Variants in MYBPC3 observed in about 807,000 individuals in gnomAD.
MYBPC3 encodes myosin-binding protein C, cardiac-type.
MYBPC3 carries 108 observed loss-of-function variants against 159.3 expected under a neutral mutation model. The ratio of observed to expected loss-of-function variants is 0.68; its 90% CI spans 0.58 to 0.80. The LOEUF is 0.80. Among genes scored for constraint, MYBPC3 ranks in the 30% least tolerant of loss-of-function variants. MYBPC3 has a pLI of 0.00. For missense variants in MYBPC3, 1,631 were observed against 1,762.1 expected (o/e 0.93, Z 1.33); for synonymous variants, 730 against 702.0 (o/e 1.04, Z -0.63).
chr11:47,347,678 C>G lies in MYBPC3; in HGVS notation c.824G>C (p.Ser275Thr). ...LDLLSAFRRT[S>T]LAGGGRRISD... ...GATCCGCCGACCACCTCCAGCCAGGCTCCTGTGGGGGTTAGACTCAGTATC... is the reference window on the plus strand; with the variant it reads ...GATCCGCCGACCACCTCCAGCCAGGGTCCTGTGGGGGTTAGACTCAGTATC... Residue 275 changes from serine (S) to threonine (T), a missense_variant and splice_region_variant, in exon 8 of 35, where the codon AGC (serine) becomes ACC (threonine). Physicochemically the swap from Ser to Thr is moderately conservative, Grantham distance 58 (BLOSUM62 1). Coordinates refer to ENST00000545968, the MANE Select transcript of MYBPC3 (RefSeq NM_000256.3). The G allele has an allele frequency of 6.4e-7, 1 of 1,573,058 alleles. No homozygotes were observed. Among genetic ancestry groups the G allele is most frequent in the South Asian group, 1.2e-5 (1 of 85,682 alleles).
intron 4 of MYBPC3, 40 bp downstream of exon 4, chr11:47,349,974 C>G (rs777895104): frequency 5.8e-6 from 9 of 1,562,796 alleles, no homozygotes; most frequent in Admixed American, 3.8e-5. Flanking sequence ...TGCTGCCCCC[C>G]CTTCCCACCC....
In MYBPC3 at chr11:47,350,603, G is replaced by C; in HGVS notation, c.305C>G (p.Pro102Arg). The C allele has an allele frequency of 6.7e-7, 1 of 1,501,708 alleles. No individual in the cohort carries two copies. The highest frequency in any genetic ancestry group is 8.8e-7 in the Non-Finnish European group (1 of 1,134,696). The allele number at this position is 1,501,708 out of a possible 1,614,324, so 93.0% of individuals were successfully genotyped here. A position where few individuals can be genotyped will look rare whatever the true frequency, so the allele number is the denominator to read the frequency against. Reference sequence around the variant, plus strand: ...AGGGGCAGGGGCAGGGGCCAGCATGGGCTCTGCCTTCTCTGGAGGGGATCA... The same window carrying C: ...AGGGGCAGGGGCAGGGGCCAGCATGCGCTCTGCCTTCTCTGGAGGGGATCA... ...LKVIEAEKAEPMLAPAPAPAE... is the reference protein window; with the variant it reads ...LKVIEAEKAERMLAPAPAPAE... Residue 102 changes from proline (P) to arginine (R), a missense_variant, in exon 3 of 35, where the codon CCC becomes CGC. Coordinates refer to ENST00000545968, the MANE Select transcript of MYBPC3 (RefSeq NM_000256.3).
At chr11:47,331,938 C>T (rs1005624640) in intron 33 of MYBPC3, 57 bp from the exon 34 acceptor site, 7 of 1,601,848 alleles carry the variant, frequency 4.4e-6, no homozygotes, top group African/African-American at 2.7e-5. Flanking sequence ...AGCTATTGCC[C>T]ATCTGGGCGT....
At chr11:47,340,728 A>T (rs2596406) in intron 20 of MYBPC3, among the ~76,000 whole-genome samples, 2 of 152,240 alleles carry the variant, frequency 1.3e-5, no homozygotes, top group Non-Finnish European at 2.9e-5. Flanking sequence ...ACAGTCACAC[A>T]TGTGACAGCA....
At chr11:47,347,185 C>A (rs1200686016) in intron 9 of MYBPC3, 156 bp from the exon 10 acceptor site, 1 of 984,684 alleles carries the variant, frequency 1.0e-6, no homozygotes, top group Non-Finnish European at 1.2e-6. Context: ...ACGGAGGGAG[C>A]TTTTGCAGCC....
In MYBPC3 at chr11:47,343,163, G is replaced by T. The variant is rs761365956; in HGVS notation, c.1227-18C>A. 38 of 1,606,308 alleles carry T rather than the reference G, an allele frequency of 2.4e-5. No individual in the cohort carries two copies. Among genetic ancestry groups the T allele is most frequent in the Non-Finnish European group, 3.1e-5 (36 of 1,176,310 alleles). ...AGATGTACCTGGGTGGGGGCCGCAG[G>T]GAAGTGGCAGGAAAGCTGCGGACAC... On this transcript the variant is annotated intron_variant, in intron 14 of 34. Coordinates refer to ENST00000545968, the MANE Select transcript of MYBPC3 (RefSeq NM_000256.3).
intron 9 of MYBPC3, 145 bp downstream of exon 9, chr11:47,347,281 A>G (rs2095895265): frequency 6.6e-7 from 1 of 1,512,990 alleles, no homozygotes; most frequent in Admixed American, 2.1e-5. Flanking sequence ...CTCCTTCCAC[A>G]CTGGGATCAT....
chr11:47,337,615 C>A lies in MYBPC3; in HGVS notation c.2414-36G>T, dbSNP rs371970979. On this transcript the variant is annotated intron_variant, in intron 24 of 34. Coordinates refer to ENST00000545968, the MANE Select transcript of MYBPC3 (RefSeq NM_000256.3). ...GGAGGTGGCAGCTCTGGTCTGGAAC[C>A]CAGGCATCCCCACACCACCTTCCCT... 4 of 1,613,026 alleles carry A rather than the reference C, an allele frequency of 2.5e-6. No homozygotes were observed. The highest frequency in any genetic ancestry group is 3.4e-6 in the Non-Finnish European group (4 of 1,179,420).
rs1565625856 is a variant in MYBPC3 at position 47,338,613 on chromosome 11, C to T, written c.2215G>A (p.Glu739Lys). The T allele has an allele frequency of 3.1e-6, 5 of 1,613,968 alleles. No individual in the cohort carries two copies. The highest frequency in any genetic ancestry group is 2.2e-5 in the South Asian group (2 of 91,074). ...CCCTCATCTTCCTTCTCTGCCCCCT[C>T]GACCGTGAAGATGCTGCGGTCCTTG... ...TTKDRSIFTV[E>K]GAEKEDEGVY... The change falls in exon 23 of 35, where the codon GAG (glutamate) becomes AAG (lysine). Residue 739 changes from glutamate to lysine, a missense_variant. Physicochemically the swap from Glu to Lys is moderately conservative, Grantham distance 56. Transcript: ENST00000545968. The surrounding 1 kb of genome is among the most constrained non-coding windows in gnomAD (Gnocchi z 4.7).
intron 6 of MYBPC3, 93 bp downstream of exon 6, chr11:47,348,331 G>T: frequency 2.1e-6 from 2 of 946,914 alleles, no homozygotes; most frequent in South Asian, 1.5e-5. Flanking sequence ...GTCTGGATGG[G>T]ACGAGGCATC....
rs1341886958 is a variant in MYBPC3, at chr11:47,333,665, T to C, written c.3082A>G (p.Thr1028Ala). Residue 1028 changes from threonine (T) to alanine (A), a missense_variant, in exon 29 of 35, where the codon ACC (threonine) becomes GCC (alanine). Coordinates refer to ENST00000545968, the MANE Select transcript of MYBPC3 (RefSeq NM_000256.3). Reference sequence around the variant, plus strand: ...CGAGCGGCCCGGATGAACAGGATGGTGTCTGTGGGGCTGTTGCGGATGCTC... The same window carrying C: ...CGAGCGGCCCGGATGAACAGGATGGCGTCTGTGGGGCTGTTGCGGATGCTC... Reference protein sequence around the residue: ...EVSIRNSPTDTILFIRAARRV... With the variant: ...EVSIRNSPTDAILFIRAARRV... 2 of 1,611,064 alleles carry C rather than the reference T, an allele frequency of 1.2e-6. No individual in the cohort carries two copies. The highest frequency in any genetic ancestry group is 1.7e-6 in the Non-Finnish European group (2 of 1,179,802).
At chr11:47,345,811 G>A (rs1328492716) in intron 12 of MYBPC3, among the ~76,000 whole-genome samples, 2 of 152,218 alleles carry the variant, frequency 1.3e-5, no homozygotes, top group African/African-American at 4.8e-5. Context: ...TGGGTGTGGA[G>A]AGGGTTAACC....
intron 29 of MYBPC3, 83 bp downstream of exon 29, chr11:47,333,474 G>C: frequency 6.4e-7 from 1 of 1,560,420 alleles, no homozygotes; most frequent in Non-Finnish European, 8.7e-7. Flanking sequence ...CTGTGGGTTG[G>C]GTCCCCTGGC....
intron 5 of MYBPC3, 22 bp from the exon 6 acceptor site, chr11:47,348,563 G>GCGTCAGGGGA (rs1435959738): frequency 1.3e-6 from 2 of 1,581,806 alleles, no homozygotes; most frequent in Non-Finnish European, 1.7e-6. Context: ...GAGGGACGGG[G>GCGTCAGGGGA]CGTCAGGGGA....
chr11:47,335,984 G>A lies in MYBPC3; in HGVS notation c.2630C>T (p.Ala877Val), dbSNP rs2095881904. Residue 877 changes from alanine (A) to valine (V), a missense_variant, in exon 26 of 35, where the codon GCA (alanine) becomes GTA (valine). Physicochemically the swap from Ala to Val is moderately conservative, Grantham distance 64 (BLOSUM62 0). Transcript: ENST00000545968. ...IGPPSEPTHL[A>V]VEDVSDTTVS... Reference sequence around the variant, plus strand: ...CGTGGTGTCAGAGACGTCCTCTACTGCCAGGTGGGTGGGTTCGCTGGGGGG... The same window carrying A: ...CGTGGTGTCAGAGACGTCCTCTACTACCAGGTGGGTGGGTTCGCTGGGGGG... 2.6e-6 allele frequency: 4 copies of A among 1,541,182 alleles called. No homozygotes were observed. The South Asian group carries it at 3.8e-5, about 14-fold the overall frequency.
At position 47,335,225 on chromosome 11, in the gene MYBPC3, G is replaced by T; in HGVS notation, c.2738-16C>A. 6.4e-7 allele frequency: 1 copy of T among 1,571,886 alleles called. No individual in the cohort carries two copies. Among genetic ancestry groups the T allele is most frequent in the South Asian group, 1.2e-5 (1 of 85,476 alleles). Reference sequence around the variant, plus strand: ...CACTCTGAGCCTGGGGGTGGGGAGGGGGAGGCAAGGCCACAGGCTGTGTCA... The same window carrying T: ...CACTCTGAGCCTGGGGGTGGGGAGGTGGAGGCAAGGCCACAGGCTGTGTCA... On this transcript the variant is annotated splice_polypyrimidine_tract_variant and intron_variant, in intron 26 of 34. Transcript: ENST00000545968.
At chr11:47,342,462 C>T in intron 17 of MYBPC3, 116 bp downstream of exon 17, 1 of 1,307,340 alleles carries the variant, frequency 7.6e-7, no homozygotes, top group South Asian at 1.6e-5. Flanking sequence ...CTGTCAAAGG[C>T]CCAAGGTCAC....
chr11:47,339,440 G>T, intron 21 of MYBPC3, 36 bp from the exon 22 acceptor site: 2 of 1,605,260 alleles, frequency 1.2e-6, no homozygotes, highest in Non-Finnish European at 1.7e-6. Context: ...GGGAGCAGAG[G>T]AGCTGACTCA....
At position 47,349,764 on chromosome 11, in the gene MYBPC3, G is replaced by C; in HGVS notation, c.654+10C>G. 1 of 1,601,780 alleles carries C rather than the reference G, an allele frequency of 6.2e-7. No individual in the cohort carries two copies. The highest frequency in any genetic ancestry group is 1.1e-5 in the South Asian group (1 of 90,634). Reference sequence around the variant, plus strand: ...CTCTCTCCGTGTCTCCACGACCCCGGTGGACCCACCTTGCTGGCGCGGTCG... The same window carrying C: ...CTCTCTCCGTGTCTCCACGACCCCGCTGGACCCACCTTGCTGGCGCGGTCG... On this transcript the variant is annotated intron_variant, in intron 5 of 34. Transcript: ENST00000545968.
Sources: gnomAD v4.1 joint callset for allele counts (sites outside exome capture counted in the v4.1 genomes callset) on GRCh38, gnomAD v4.1.1 for gene constraint, Gnocchi (gnomAD v3.1) non-coding constraint, MANE v1.5 for transcripts, NCBI Gene and HGNC (gene_info 2026-07-23, HGNC 2026-07-21) for gene names.